The following PDE4D variants were observed in gnomAD, a reference collection of about 807,000 sequenced individuals.
The protein encoded by PDE4D is phosphodiesterase 4D.
In PDE4D, 24 loss-of-function variants were observed where a neutral mutation model predicts 87.4. The ratio of observed to expected loss-of-function variants is 0.27; its 90% CI spans 0.20 to 0.39. The LOEUF is 0.39. Among genes scored for constraint, PDE4D ranks in the 10% least tolerant of loss-of-function variants. The pLI is 1.00. For synonymous variants in PDE4D, 384 were observed against 383.2 expected (o/e 1.00, Z -0.02); for missense variants, 714 against 1,041.0 (o/e 0.69, Z 4.32).
intron 1 of PDE4D, among the ~76,000 whole-genome samples, chr5:59,656,512 C>T (rs1354375607): frequency 1.3e-5 from 2 of 152,146 alleles, no homozygotes; most frequent in African/African-American, 4.8e-5. Context: ...GACCAGAAAG[C>T]AGTTATAGCC....
intron 1 of PDE4D, among the ~76,000 whole-genome samples, chr5:60,240,025 G>T (rs1342304488): frequency 6.6e-6 from 1 of 152,010 alleles, no homozygotes; most frequent in Admixed American, 6.6e-5. Context: ...CAATATACTA[G>T]TAGCTGTAAT....
chr5:60,397,407 T>C (rs566350968), intron 1 of PDE4D, among the ~76,000 whole-genome samples: 1 of 152,310 alleles, frequency 6.6e-6, no homozygotes, highest in Non-Finnish European at 1.5e-5. Flanking sequence ...CATCAATGGA[T>C]GAATGGTAAA....
chr5:59,245,082 G>A (rs1025784420), intron 1 of PDE4D, among the ~76,000 whole-genome samples: 1 of 151,988 alleles, frequency 6.6e-6, no homozygotes, highest in African/African-American at 2.4e-5. Flanking sequence ...ATGATGCAAG[G>A]TGAAGCATAT....
intron 2 of PDE4D, among the ~76,000 whole-genome samples, chr5:59,993,120 A>G (rs891720319): frequency 6.6e-6 from 1 of 152,150 alleles, no homozygotes; most frequent in African/African-American, 2.4e-5. Flanking sequence ...GTGACATTCA[A>G]ACCCTCTGCA....
intron 1 of PDE4D, among the ~76,000 whole-genome samples, chr5:59,783,666 G>A (rs1472555409): frequency 6.6e-6 from 1 of 152,136 alleles, no homozygotes; most frequent in African/African-American, 2.4e-5. Context: ...TATCTAAATT[G>A]GAGTAAGATT....
chr5:59,072,935 T>A (rs892523875), intron 5 of PDE4D, among the ~76,000 whole-genome samples: 1 of 152,186 alleles, frequency 6.6e-6, no homozygotes, highest in Admixed American at 6.5e-5. Context: ...GTTCCTGTCA[T>A]TTAGAATGTA....
At chr5:59,952,932 A>G (rs901567308) in intron 3 of PDE4D, among the ~76,000 whole-genome samples, 25 of 152,174 alleles carry the variant, frequency 1.6e-4, no homozygotes, top group African/African-American at 5.5e-4. Flanking sequence ...TTCTTGACTC[A>G]CAGAAACCAT....
intron 6 of PDE4D, among the ~76,000 whole-genome samples, chr5:59,014,587 G>A (rs1328491101): frequency 6.6e-6 from 1 of 151,982 alleles, no homozygotes; most frequent in African/African-American, 2.4e-5. Flanking sequence ...AACTTACAAG[G>A]GATGTGAAGG....
chr5:59,319,690 T>C (rs139317947), intron 1 of PDE4D, among the ~76,000 whole-genome samples: 1 of 152,202 alleles, frequency 6.6e-6, no homozygotes, highest in Non-Finnish European at 1.5e-5. Flanking sequence ...ATGCATGATA[T>C]AGTTATGTCT....
chr5:60,231,289 G>C (rs918877511), intron 1 of PDE4D, among the ~76,000 whole-genome samples: 1 of 151,954 alleles, frequency 6.6e-6, no homozygotes, highest in African/African-American at 2.4e-5. Flanking sequence ...CATCAGTCTT[G>C]TGAGATGCAA....
chr5:59,786,739 G>C (rs1329604971), intron 1 of PDE4D, among the ~76,000 whole-genome samples: 1 of 152,170 alleles, frequency 6.6e-6, no homozygotes, highest in Non-Finnish European at 1.5e-5. Flanking sequence ...GCGTTCTCTT[G>C]ACACATCGTC....
rs1764075536 is a variant in PDE4D at position 60,002,072 on chromosome 5, A to G, written c.43-13355T>C. ...CTATAAATAATAATCTTGGATATAA[A>G]TGGATTAAATTATTCAATCAAAAGA... On this transcript the variant is annotated intron_variant, in intron 2 of 16. Transcript: ENST00000502484. Among the ~76,000 whole-genome samples, 3 of 152,144 alleles carry G rather than the reference A, an allele frequency of 2.0e-5. No individual in the cohort carries two copies. The South Asian group carries it at 6.2e-4, about 32-fold the overall frequency.
intron 1 of PDE4D, among the ~76,000 whole-genome samples, chr5:60,386,399 C>T (rs1399086947): frequency 6.6e-6 from 1 of 152,236 alleles, no homozygotes; most frequent in Non-Finnish European, 1.5e-5. Flanking sequence ...TTTGTGACCA[C>T]ATTTCAACCT....
chr5:59,886,129 A>T (rs1750110783), intron 1 of PDE4D, among the ~76,000 whole-genome samples: 1 of 152,262 alleles, frequency 6.6e-6, no homozygotes, highest in South Asian at 2.1e-4. Flanking sequence ...AAAAATCTAT[A>T]TAAAACCATT....
At position 59,575,879 on chromosome 5, in the gene PDE4D, C is replaced by T. The variant is rs138641965; in HGVS notation, c.455+317289G>A. Among the ~76,000 whole-genome samples the T allele has an allele frequency of 8.7e-4, 133 of 152,206 alleles. 2 individuals are homozygous for T. The highest frequency in any genetic ancestry group is 2.2e-3 in the African/African-American group (91 of 41,552). The stretch of plus-strand genomic sequence containing the variant: ...ACTCAACATGGGAGGGCACATCAGT[C>T]GATTCTTGCTGAGGCTTGAGAGATG... On this transcript the variant is annotated intron_variant, in intron 1 of 14. Transcript: ENST00000340635.
At chr5:58,999,280 T>C (rs1302750058) in intron 6 of PDE4D, among the ~76,000 whole-genome samples, 1 of 149,456 alleles carries the variant, frequency 6.7e-6, no homozygotes, top group Non-Finnish European at 1.5e-5. Flanking sequence ...AACTACTGCG[T>C]ATCTAAAAAA....
chr5:60,197,205 G>A (rs983852920), intron 1 of PDE4D, among the ~76,000 whole-genome samples: 1 of 151,438 alleles, frequency 6.6e-6, no homozygotes. Flanking sequence ...GACAATCCAT[G>A]TTATAGATCC....
intron 1 of PDE4D, among the ~76,000 whole-genome samples, chr5:60,440,876 G>T (rs75362087): frequency 0.027 from 4,145 of 152,130 alleles, 87 homozygotes; most frequent in Middle Eastern, 0.078. Context: ...ATTTTTCCAA[G>T]GTTACAAAAC....
intron 1 of PDE4D, among the ~76,000 whole-genome samples, chr5:60,319,069 C>A (rs1024180936): frequency 6.6e-6 from 1 of 152,196 alleles, no homozygotes; most frequent in Non-Finnish European, 1.5e-5. Flanking sequence ...GGATAATACC[C>A]TGCAGAGTGT....
Sources: gnomAD v4.1 joint callset for allele counts (sites outside exome capture counted in the v4.1 genomes callset) on GRCh38, gnomAD v4.1.1 for gene constraint, MANE v1.5 for transcripts, NCBI Gene and HGNC (gene_info 2026-07-23, HGNC 2026-07-21) for gene names.